Variants in GCLC observed in about 807,000 individuals in gnomAD.
The protein encoded by GCLC is glutamate-cysteine ligase catalytic subunit.
Under a neutral mutation model 81.5 loss-of-function variants are expected in GCLC, and 30 were observed. That is an observed-to-expected ratio of 0.37 (90% confidence interval 0.28 to 0.50). The LOEUF (loss-of-function observed/expected upper bound fraction) is 0.50, where lower values mean the gene tolerates loss of function less well. GCLC is among the 20% of genes least tolerant of loss of function. GCLC has a pLI of 0.96. For missense variants in GCLC, 556 were observed against 777.4 expected (o/e 0.72, Z 3.39); for synonymous variants, 262 against 273.3 (o/e 0.96, Z 0.41).
chr6:53,520,171 T>C (rs1762966280), intron 3 of GCLC, among the ~76,000 whole-genome samples: 2 of 152,352 alleles, frequency 1.3e-5, no homozygotes, highest in South Asian at 4.1e-4. Flanking sequence ...AAGAACATAA[T>C]TTCACTATTT....
chr6:53,499,080 CTT>C, intron 15 of GCLC, 113 bp from the exon 16 acceptor site: 1 of 741,124 alleles, frequency 1.3e-6, no homozygotes, highest in South Asian at 1.5e-5. Context: ...TCAATATGTC[CTT>C]TTAGTGTAGC....
At position 53,505,814 on chromosome 6, in the gene GCLC, G is replaced by A. The variant is rs769131520; in HGVS notation, c.1279C>T (p.Arg427Ter). 3.1e-6 allele frequency: 5 copies of A among 1,602,058 alleles called. No homozygotes were observed. The highest frequency in any genetic ancestry group is 1.1e-5 in the South Asian group (1 of 90,834). Residue 427 changes from arginine to a stop codon, truncating the protein, a stop_gained, in exon 11 of 16, where the codon CGA becomes TGA. Transcript: ENST00000650454. LOFTEE classifies it high-confidence loss of function. ...TGCATGTGTCTTACCTCCATGGGTC[G>A]AAATTCTACTCTCCATCCAATGTCT... ...NSDIGWRVEFRPMEVQLTDFE... is the reference protein window; with the variant it reads ...NSDIGWRVEF
intron 6 of GCLC, chr6:53,513,897 G>A (rs1374995525): frequency 1.8e-5 from 6 of 332,266 alleles, no homozygotes; most frequent in Non-Finnish European, 2.8e-5. Context: ...TAAAAACTAG[G>A]CATATAAAAA....
Position 53,498,996 on chromosome 6 carries a change from A to G in GCLC, c.1703-29T>C, listed in dbSNP as rs766514301. On this transcript the variant is annotated intron_variant, in intron 15 of 15. Transcript: ENST00000650454. ...TGGGCGAGGGGGGAGCGAAAAAAAA[A>G]TTAAAACCACGTAAGTTTTTTTTTT... The G allele has an allele frequency of 1.2e-5, 17 of 1,453,116 alleles. No individual in the cohort carries two copies. The South Asian group carries it at 1.7e-4, about 15-fold the overall frequency. 90.0% of individuals were successfully genotyped at this position (1,453,116 alleles called of 1,614,324 possible). A position where few individuals can be genotyped will look rare whatever the true frequency, so the allele number is the denominator to read the frequency against.
chr6:53,499,287 C>T (rs1764454768), intron 15 of GCLC, among the ~76,000 whole-genome samples: 1 of 152,092 alleles, frequency 6.6e-6, no homozygotes, highest in South Asian at 2.1e-4. Context: ...ATGTGCCCTC[C>T]CATTTGGCCA....
intron 6 of GCLC, among the ~76,000 whole-genome samples, chr6:53,512,561 C>T (rs1045146555): frequency 9.2e-5 from 14 of 152,038 alleles, no homozygotes; most frequent in African/African-American, 1.4e-4. Flanking sequence ...GCAGGGATTT[C>T]GGTGGTGAAT....
chr6:53,537,085 T>C (rs1281552940), intron 1 of GCLC, among the ~76,000 whole-genome samples: 2 of 152,250 alleles, frequency 1.3e-5, no homozygotes, highest in East Asian at 3.9e-4. Flanking sequence ...TTTCCTCCTT[T>C]GTTACACTGT....
rs1041079245 is a variant in GCLC, at chr6:53,502,462, C to T, written c.1396-1949G>A. Among the ~76,000 whole-genome samples, 8 of 152,348 alleles carry T rather than the reference C, an allele frequency of 5.3e-5. No individual in the cohort carries two copies. In the East Asian group the frequency reaches 1.3e-3, roughly 26 times the overall value. Reference sequence around the variant, plus strand: ...CAGGGATTTATGCATTTAGTTCTCACATCAAAGCCATGTATTACCCATCAC... The same window carrying T: ...CAGGGATTTATGCATTTAGTTCTCATATCAAAGCCATGTATTACCCATCAC... On this transcript the variant is annotated intron_variant, in intron 12 of 15. Transcript: ENST00000650454.
At chr6:53,501,479 G>C (rs1170084580) in intron 12 of GCLC, 1 of 152,168 alleles carries the variant, frequency 6.6e-6, no homozygotes, top group Non-Finnish European at 1.5e-5. Context: ...GACTCTCAAA[G>C]CAGAATTTAA....
intron 1 of GCLC, among the ~76,000 whole-genome samples, chr6:53,536,078 A>G (rs916262443): frequency 1.3e-5 from 2 of 152,230 alleles, no homozygotes; most frequent in African/African-American, 2.4e-5. Context: ...ATAACCATGG[A>G]ATGAAATATT....
At chr6:53,512,998 G>A (rs984909144) in intron 6 of GCLC, 1 of 152,056 alleles carries the variant, frequency 6.6e-6, no homozygotes, top group African/African-American at 2.4e-5. Context: ...CTTTTTTCGT[G>A]AAGTGTGATG....
chr6:53,498,413 A>T lies in GCLC; in HGVS notation c.*343T>A, dbSNP rs979641541. 3.2e-5 allele frequency: 7 copies of T among 221,680 alleles called. No homozygotes were observed. The highest frequency in any genetic ancestry group is 6.3e-5 in the Non-Finnish European group (7 of 111,808). The allele number at this position is 221,680 out of a possible 1,614,324, so 13.7% of individuals were successfully genotyped here. A position where few individuals can be genotyped will look rare whatever the true frequency, so the allele number is the denominator to read the frequency against. On this transcript the variant is annotated 3_prime_UTR_variant, in exon 16 of 16. Coordinates refer to ENST00000650454, the MANE Select transcript of GCLC (RefSeq NM_001498.4). Reference sequence around the variant, plus strand: ...AACAAAAATTTACAGTAAACATTTTAACTCTGGAATGCAAGTATTGTACAA... The same window carrying T: ...AACAAAAATTTACAGTAAACATTTTTACTCTGGAATGCAAGTATTGTACAA...
At position 53,516,172 on chromosome 6, in the gene GCLC, T is replaced by C. The variant is rs1387095674; in HGVS notation, c.497A>G (p.Glu166Gly). Reference protein sequence around the residue: ...TLPEVKPNPVEGGASKSLFFP... With the variant: ...TLPEVKPNPVGGGASKSLFFP... ...GAAGAGGGACTTGGAAGCTCCTCCT[T>C]CCACTGGGTTGGGTTTGACCTCGGG... Residue 166 changes from glutamate to glycine, a missense_variant, in exon 4 of 16, where the codon GAA becomes GGA. Around this residue, in one of 3 missense-constraint regions of GCLC, gnomAD observed 234 missense variants for 303.8 expected, o/e 0.77. Coordinates refer to ENST00000650454, the MANE Select transcript of GCLC (RefSeq NM_001498.4). The C allele has an allele frequency of 6.2e-7, 1 of 1,613,828 alleles. No homozygotes were observed. The highest frequency in any genetic ancestry group is 2.2e-5 in the East Asian group (1 of 44,892).
At position 53,507,516 on chromosome 6, in the gene GCLC, T is replaced by C. The variant is rs1254947155; in HGVS notation, c.1048A>G (p.Ile350Val). 18 of 1,610,354 alleles carry C rather than the reference T, an allele frequency of 1.1e-5. No homozygotes were observed. Among genetic ancestry groups the C allele is most frequent in the Non-Finnish European group, 1.4e-5 (16 of 1,176,862 alleles). ...AGCTGTTCGTAGATCTCTTTATCTA[T>C]CGTCAAGTCGATGTCATTATATTTC... ...GEKYNDIDLT[I>V]DKEIYEQLLQ... The change falls in exon 9 of 16, where the codon ATA (isoleucine) becomes GTA (valine). Residue 350 changes from isoleucine to valine, a missense_variant. This residue lies in a region of GCLC where 313 missense variants were observed against 437.3 expected (regional missense o/e 0.72). Transcript: ENST00000650454.
chr6:53,531,815 T>C (rs1449362885), intron 1 of GCLC, among the ~76,000 whole-genome samples: 1 of 152,248 alleles, frequency 6.6e-6, no homozygotes, highest in Non-Finnish European at 1.5e-5. Flanking sequence ...ACAAGGTATT[T>C]ATCCTGCCCA....
In GCLC at chr6:53,500,268, T is replaced by C; in HGVS notation, c.1560A>G (p.Ile520Met). The C allele has an allele frequency of 1.2e-6, 2 of 1,614,040 alleles. No individual in the cohort carries two copies. The highest frequency in any genetic ancestry group is 1.7e-6 in the Non-Finnish European group (2 of 1,179,872). The change falls in exon 14 of 16, where the codon ATA (isoleucine) becomes ATG (methionine). Residue 520 changes from isoleucine (I) to methionine (M), a missense_variant. This residue lies in a region of GCLC where 313 missense variants were observed against 437.3 expected (regional missense o/e 0.72). Transcript: ENST00000650454. ...LAAEEYTLMS[I>M]DTIINGKEGV... ...CTACCTTCCCATTGATGATGGTGTC[T>C]ATGCTCATGAGGGTGTACTCCTCTG...
intron 1 of GCLC, among the ~76,000 whole-genome samples, chr6:53,538,103 C>T (rs1199109919): frequency 6.6e-5 from 9 of 136,718 alleles, no homozygotes; most frequent in African/African-American, 1.9e-4. Flanking sequence ...TACACTTATT[C>T]ATTAATAAGC....
At chr6:53,522,241 C>G (rs1038451310) in intron 2 of GCLC, among the ~76,000 whole-genome samples, 174 bp downstream of exon 2, 2 of 152,104 alleles carry the variant, frequency 1.3e-5, no homozygotes, top group Non-Finnish European at 2.9e-5. Context: ...GTAACTTGCC[C>G]AAGGTTATTC....
intron 1 of GCLC, among the ~76,000 whole-genome samples, chr6:53,536,708 C>T (rs781541744): frequency 2.0e-5 from 3 of 152,112 alleles, no homozygotes; most frequent in Non-Finnish European, 4.4e-5. Context: ...TCTGAACATA[C>T]AGAGTCTTAC....
Sources: gnomAD v4.1 joint callset for allele counts (sites outside exome capture counted in the v4.1 genomes callset) on GRCh38, gnomAD v4.1.1 for gene constraint, gnomAD v4.1.1 regional missense constraint, MANE v1.5 for transcripts, NCBI Gene and HGNC (gene_info 2026-07-23, HGNC 2026-07-21) for gene names.